CFHR4: variants seen among roughly 807,000 people sequenced by gnomAD.
CFHR4 encodes the protein complement factor H-related protein 4.
In CFHR4, 64 loss-of-function variants were observed where a neutral mutation model predicts 69.3. The ratio of observed to expected loss-of-function variants is 0.92; its 90% CI spans 0.76 to 1.14. The LOEUF (loss-of-function observed/expected upper bound fraction) is 1.14, where lower values mean the gene tolerates loss of function less well. CFHR4 is among the 50% of genes most tolerant of loss of function. CFHR4 has a pLI of 0.00. For synonymous variants in CFHR4, 244 were observed against 237.0 expected, an observed-to-expected ratio of 1.03 and a Z score of -0.27; for missense variants, 636 against 684.9, an observed-to-expected ratio of 0.93 and a Z score of 0.80.
At chr1:196,910,235 G>A (rs1279996772) in intron 5 of CFHR4, 46 bp from the exon 6 acceptor site, 1 of 1,116,750 alleles carries the variant, frequency 9.0e-7, no homozygotes, top group East Asian at 2.6e-5. Context: ...ATCATTGTCT[G>A]TTACAGTGAA....
At position 196,914,636 on chromosome 1, in the gene CFHR4, G is replaced by T. The variant is rs753878319; in HGVS notation, c.1322G>T (p.Gly441Val). ...AACACCACAGGTTCCATAGTGTGTG[G>T]TGAAGATGGGTGGTCCCATTTCCCA... ...YGNTTGSIVC[G>V]EDGWSHFPTC... The change falls in exon 8 of 10, where the codon GGT becomes GTT. Residue 441 changes from glycine (G) to valine (V), a missense_variant. Physicochemically the swap from Gly to Val is moderately radical, Grantham distance 109. Around this residue, in one of 3 missense-constraint regions of CFHR4, gnomAD observed 529 missense variants for 533.2 expected, o/e 0.99. Transcript: ENST00000608469. 10 of 1,607,268 alleles carry T rather than the reference G, an allele frequency of 6.2e-6. No individual in the cohort carries two copies. The highest frequency in any genetic ancestry group is 5.1e-6 in the Non-Finnish European group (6 of 1,177,808).
rs779045232 is a variant in CFHR4, at chr1:196,907,377, G to T, written c.678G>T (p.Pro226=). The T allele has an allele frequency of 1.9e-6, 3 of 1,611,444 alleles. No homozygotes were observed. Among genetic ancestry groups the T allele is most frequent in the Admixed American group, 3.3e-5 (2 of 59,796 alleles). Residue 226 remains proline, a synonymous_variant, in exon 5 of 10, where the codon CCG becomes CCT. Transcript: ENST00000608469. ...GCAATGGAGATACCACGTCCTTCCC[G>T]CAAAAAGTGTATCTGCCATGGTCAA... ...PISNGDTTSF[P]QKVYLPWSRV...
Position 196,888,213 on chromosome 1 carries a change from G to C in CFHR4, c.58+5G>C. The C allele has an allele frequency of 6.2e-7, 1 of 1,610,672 alleles. No homozygotes were observed. Among genetic ancestry groups the C allele is most frequent in the Non-Finnish European group, 8.5e-7 (1 of 1,178,222 alleles). On this transcript the variant is annotated splice_donor_5th_base_variant and intron_variant, in intron 1 of 9. Transcript: ENST00000608469. ...TTTCCTGTGCTAATGGACAAGGTAAGTTGAAAGAGATCTAAACACTCAGCT... is the reference window on the plus strand; with the variant it reads ...TTTCCTGTGCTAATGGACAAGGTAACTTGAAAGAGATCTAAACACTCAGCT...
chr1:196,914,546 T>C lies in CFHR4; in HGVS notation c.1232T>C (p.Met411Thr), dbSNP rs765041323. The change falls in exon 8 of 10, where the codon ATG becomes ACG. Residue 411 changes from methionine to threonine, a missense_variant. Met to Thr is a moderately conservative substitution (Grantham distance 81). Transcript: ENST00000608469. The part of the protein sequence containing the change: ...FENSRAKSNG[M>T]RFKLHDTLDY... ...AATTCCAGAGCCAAGAGTAATGGCATGCGGTTTAAGCTCCATGACACATTG... is the reference window on the plus strand; with the variant it reads ...AATTCCAGAGCCAAGAGTAATGGCACGCGGTTTAAGCTCCATGACACATTG... 3.7e-6 allele frequency: 6 copies of C among 1,609,694 alleles called. No individual in the cohort carries two copies. The African/African-American group carries it at 5.4e-5, about 14-fold the overall frequency.
At chr1:196,914,021 AAGAC>A (rs1047171338) in intron 7 of CFHR4, among the ~76,000 whole-genome samples, 18 of 151,648 alleles carry the variant, frequency 1.2e-4, no homozygotes, top group African/African-American at 4.4e-4. Context: ...TGTAAAATAA[AAGAC>A]AGGATGCTTC....
At chr1:196,902,372 T>C in intron 1 of CFHR4, 46 bp from the exon 2 acceptor site, 1 of 1,278,812 alleles carries the variant, frequency 7.8e-7, no homozygotes, top group South Asian at 1.3e-5. Context: ...TGATTATCTG[T>C]TATAGAAAAA....
rs560024074 is a variant in CFHR4, at chr1:196,911,805, G to A, written c.998-935G>A. Among the ~76,000 whole-genome samples the A allele has an allele frequency of 1.4e-3, 211 of 151,536 alleles. 5 individuals carry two copies. Among genetic ancestry groups the A allele is most frequent in the Non-Finnish European group, 2.4e-3 (166 of 67,940 alleles). The stretch of plus-strand genomic sequence containing the variant: ...CCTAATAAATATTGTTGTGTGTCAA[G>A]CACTTTATAGGTATTGAAAATAAAA... On this transcript the variant is annotated intron_variant, in intron 6 of 9. Coordinates refer to ENST00000608469, the MANE Select transcript of CFHR4 (RefSeq NM_001201550.3).
At chr1:196,904,496 GT>G (rs1345645318) in intron 2 of CFHR4, among the ~76,000 whole-genome samples, 8 of 151,348 alleles carry the variant, frequency 5.3e-5, no homozygotes, top group African/African-American at 1.9e-4. Context: ...CATTAGTAAT[GT>G]ATAGAACACA....
chr1:196,915,992 T>C (rs1315696421), intron 9 of CFHR4, among the ~76,000 whole-genome samples: 1 of 151,788 alleles, frequency 6.6e-6, no homozygotes, highest in African/African-American at 2.4e-5. Flanking sequence ...TTCTTACTTA[T>C]ATTTTATCAG....
At chr1:196,892,360 T>C (rs996822959) in intron 1 of CFHR4, among the ~76,000 whole-genome samples, 2 of 151,364 alleles carry the variant, frequency 1.3e-5, no homozygotes, top group African/African-American at 4.9e-5. Flanking sequence ...CAGAAGAAAA[T>C]GGTTGAGAGA....
chr1:196,909,367 T>C (rs777724837), intron 5 of CFHR4, among the ~76,000 whole-genome samples: 1 of 151,510 alleles, frequency 6.6e-6, no homozygotes, highest in Non-Finnish European at 1.5e-5. Context: ...CATATACATA[T>C]GGCATATTAA....
At chr1:196,892,764 ATTAT>A (rs2124934726) in intron 1 of CFHR4, among the ~76,000 whole-genome samples, 1 of 151,672 alleles carries the variant, frequency 6.6e-6, no homozygotes, top group South Asian at 2.1e-4. Context: ...AAATGCCTTT[ATTAT>A]TTATCTGTTA....
chr1:196,897,469 T>C (rs1214613920), intron 1 of CFHR4, among the ~76,000 whole-genome samples: 1 of 151,564 alleles, frequency 6.6e-6, no homozygotes, highest in African/African-American at 2.4e-5. Context: ...TCCTGAGCTC[T>C]TGCCCAGTGG....
intron 1 of CFHR4, among the ~76,000 whole-genome samples, chr1:196,892,023 C>A (rs1047755730): frequency 2.0e-5 from 3 of 151,428 alleles, no homozygotes; most frequent in Non-Finnish European, 2.9e-5. Context: ...AGTAATATTT[C>A]TTTTCTCTAT....
chr1:196,914,762 T>A (rs1396352138), intron 8 of CFHR4, 91 bp downstream of exon 8: 70 of 1,412,988 alleles, frequency 5.0e-5, no homozygotes, highest in Non-Finnish European at 6.2e-5. Context: ...TGTACATATA[T>A]GTACATATAT....
intron 5 of CFHR4, among the ~76,000 whole-genome samples, chr1:196,908,156 C>A (rs1229226459): frequency 6.6e-6 from 1 of 151,242 alleles, no homozygotes; most frequent in South Asian, 2.1e-4. Flanking sequence ...CAGGGTCTGT[C>A]ACAGGATGGG....
At chr1:196,905,050 T>G in intron 2 of CFHR4, 58 bp from the exon 3 acceptor site, 17 of 1,408,912 alleles carry the variant, frequency 1.2e-5, no homozygotes, top group Non-Finnish European at 1.5e-5. Flanking sequence ...ACTTGTTCCC[T>G]TCTATAAAAG....
chr1:196,907,440 G>A lies in CFHR4; in HGVS notation c.741G>A (p.Gln247=), dbSNP rs769859288. The A allele has an allele frequency of 6.2e-7, 1 of 1,612,022 alleles. No homozygotes were observed. The highest frequency in any genetic ancestry group is 1.3e-5 in the African/African-American group (1 of 74,386). Residue 247 remains glutamine, a synonymous_variant, in exon 5 of 10, where the codon CAG becomes CAA. Transcript: ENST00000608469. ...AGTGCCAGTCCTACTATGAACTTCA[G>A]GGTTCTAAATATGTAACATGTAGTA... The part of the protein sequence containing the change: ...EYQCQSYYEL[Q]GSKYVTCSNG...
intron 1 of CFHR4, among the ~76,000 whole-genome samples, chr1:196,892,572 G>T (rs1385721037): frequency 2.0e-5 from 3 of 150,982 alleles, no homozygotes; most frequent in Admixed American, 6.6e-5. Flanking sequence ...GAATAAATAG[G>T]GCATGGGTTA....
Sources: allele counts gnomAD v4.1 joint callset (sites outside exome capture counted in the v4.1 genomes callset), GRCh38; gene constraint gnomAD v4.1.1; regional missense constraint gnomAD v4.1.1; transcripts MANE v1.5; gene names NCBI Gene and HGNC (gene_info 2026-07-23, HGNC 2026-07-21).